The following CDK11B variants were observed in gnomAD, a reference collection of about 807,000 sequenced individuals.
CDK11B encodes the protein cyclin-dependent kinase 11B.
In CDK11B, 37 loss-of-function variants were observed where a neutral mutation model predicts 84.0. The ratio of observed to expected loss-of-function variants is 0.44; its 90% CI spans 0.34 to 0.58. The LOEUF (loss-of-function observed/expected upper bound fraction) is 0.58, where lower values mean the gene tolerates loss of function less well. CDK11B is among the 20% of genes least tolerant of loss of function. The pLI is 0.02. For synonymous variants in CDK11B, 269 were observed against 309.8 expected, an observed-to-expected ratio of 0.87 and a Z score of 1.38; for missense variants, 427 against 834.0, an observed-to-expected ratio of 0.51 and a Z score of 6.01.
Position 1,637,266 on chromosome 1 carries a change from C to G in CDK11B, c.1571-64G>C, listed in dbSNP as rs900445264. The G allele has an allele frequency of 2.5e-6, 4 of 1,593,406 alleles. No individual in the cohort carries two copies. The Admixed American group carries it at 7.1e-5, about 28-fold the overall frequency. ...CCCAGCCCAGGGCACTCAGGGTGGC[C>G]CACTCGCCTCGGCAGCAACAGAGGC... On this transcript the variant is annotated intron_variant, in intron 14 of 19. Coordinates refer to ENST00000341832, the MANE Select transcript of CDK11B (RefSeq NM_033486.3).
chr1:1,637,379 G>C (rs61774910), intron 14 of CDK11B, 29 bp downstream of exon 14: 3 of 1,607,276 alleles, frequency 1.9e-6, no homozygotes, highest in Non-Finnish European at 2.5e-6. Context: ...CCACTTGTAC[G>C]CAGACAGGCC....
intron 4 of CDK11B, among the ~76,000 whole-genome samples, chr1:1,650,653 CCG>C (rs1458437735): frequency 1.4e-5 from 2 of 142,290 alleles, no homozygotes; most frequent in Admixed American, 1.4e-4. Flanking sequence ...TTGTGAGCCA[CCG>C]CGCCCGGCCT....
chr1:1,649,925 G>A (rs1236046073), intron 4 of CDK11B, among the ~76,000 whole-genome samples: 2 of 144,190 alleles, frequency 1.4e-5, no homozygotes, highest in Admixed American at 7.2e-5. Flanking sequence ...GCAGTGAGCC[G>A]AGATCACGCC....
chr1:1,637,329 C>A (rs1639506496), intron 14 of CDK11B, 79 bp downstream of exon 14: 1 of 1,572,122 alleles, frequency 6.4e-7, no homozygotes. Flanking sequence ...CTGGCCCTCC[C>A]TGCAGCACTG....
chr1:1,656,498 C>G lies in CDK11B; in HGVS notation c.111+877G>C, dbSNP rs560676882. On this transcript the variant is annotated intron_variant, in intron 2 of 19. Coordinates refer to ENST00000341832, the MANE Select transcript of CDK11B (RefSeq NM_033486.3). ...GGAGCAAGACTGTCTCAAAAACAAA[C>G]AAAAAAGGCCGGGCGCGGAGGCTCA... Among the ~76,000 whole-genome samples, 5 of 151,586 alleles carry G rather than the reference C, an allele frequency of 3.3e-5. No homozygotes were observed. In the South Asian group the frequency reaches 1.0e-3, roughly 32 times the overall value.
chr1:1,639,706 C>T (rs1457364837), intron 11 of CDK11B, among the ~76,000 whole-genome samples: 3 of 151,980 alleles, frequency 2.0e-5, no homozygotes, highest in Non-Finnish European at 4.4e-5. Context: ...CCTCTCCGCC[C>T]ACAGGCACCA....
rs745412117 is a variant in CDK11B at position 1,636,679 on chromosome 1, C to A, written c.1917+3G>T. On this transcript the variant is annotated splice_donor_region_variant and intron_variant, in intron 17 of 19. Coordinates refer to ENST00000341832, the MANE Select transcript of CDK11B (RefSeq NM_033486.3). ...AGCGCACCTGCAGCAGGGCCAGACC[C>A]ACCTTGAACACCTTGTTGATCTGAT... 18 of 1,613,836 alleles carry A rather than the reference C, an allele frequency of 1.1e-5. No individual in the cohort carries two copies. The African/African-American group carries it at 2.1e-4, about 19-fold the overall frequency.
At chr1:1,639,187 C>A (rs911525098) in intron 11 of CDK11B, among the ~76,000 whole-genome samples, 1 of 151,698 alleles carries the variant, frequency 6.6e-6, no homozygotes, top group African/African-American at 2.4e-5. Context: ...ATCCGCCCAC[C>A]GCCTCGGCCT....
intron 3 of CDK11B, among the ~76,000 whole-genome samples, chr1:1,653,515 T>G (rs1203949003): frequency 6.6e-6 from 1 of 151,760 alleles, no homozygotes; most frequent in East Asian, 2.0e-4. Flanking sequence ...GAGACGGGCT[T>G]TCACCATGTT....
intron 16 of CDK11B, 31 bp downstream of exon 16, chr1:1,636,866 C>T (rs1557656207): frequency 6.2e-7 from 1 of 1,610,940 alleles, no homozygotes; most frequent in Non-Finnish European, 8.5e-7. Flanking sequence ...GCGTGGGGGA[C>T]AGGGGAGGCA....
chr1:1,636,108 G>C lies in CDK11B; in HGVS notation c.2085C>G (p.Pro695=), dbSNP rs779057223. Residue 695 remains proline, a synonymous_variant, in exon 19 of 20, where the codon CCC becomes CCG. Transcript: ENST00000341832. ...CGTCCTCAGCGCTGATCCTCCTCCCGGGGAAGTAGGTCAGGAACCTGGGGG... is the reference window on the plus strand; with the variant it reads ...CGTCCTCAGCGCTGATCCTCCTCCCCGGGAAGTAGGTCAGGAACCTGGGGG... ...DLMNKFLTYF[P]GRRISAEDGL... is the part of the protein sequence containing the mutation. The C allele has an allele frequency of 1.9e-6, 1 of 522,778 alleles. No individual in the cohort carries two copies. The highest frequency in any genetic ancestry group is 4.0e-5 in the Admixed American group (1 of 24,960). The allele number at this position is 522,778 out of a possible 1,614,324, so 32.4% of individuals were successfully genotyped here.
At chr1:1,645,561 TAG>T (rs1557690241) in intron 5 of CDK11B, 1 of 366,122 alleles carries the variant, frequency 2.7e-6, no homozygotes, top group Admixed American at 3.7e-5. Context: ...GTATTTTTAG[TAG>T]AGACGAGGGT....
At chr1:1,638,006 G>A (rs989420708) in intron 12 of CDK11B, 123 bp from the exon 13 acceptor site, 45 of 1,495,328 alleles carry the variant, frequency 3.0e-5, no homozygotes, top group Non-Finnish European at 3.4e-5. Context: ...GGGGGGTCTC[G>A]TTCTAGGTGG....
Position 1,656,509 on chromosome 1 carries a change from G to T in CDK11B, c.111+866C>A, listed in dbSNP as rs112392696. ...GTCTCAAAAACAAACAAAAAAGGCCGGGCGCGGAGGCTCATGCCTGTTGTA... is the reference window on the plus strand; with the variant it reads ...GTCTCAAAAACAAACAAAAAAGGCCTGGCGCGGAGGCTCATGCCTGTTGTA... On this transcript the variant is annotated intron_variant, in intron 2 of 19. Coordinates refer to ENST00000341832, the MANE Select transcript of CDK11B (RefSeq NM_033486.3). Among the ~76,000 whole-genome samples the T allele has an allele frequency of 5.3e-3, 807 of 152,046 alleles. 5 individuals carry two copies. Among genetic ancestry groups the T allele is most frequent in the Non-Finnish European group, 8.9e-3 (603 of 67,952 alleles).
chr1:1,645,182 TTCTGCTCCC>T lies in CDK11B; in HGVS notation c.566_574del (p.Arg189_Lys192delinsGln). 1 of 830,908 alleles carries T rather than the reference TTCTGCTCCC, an allele frequency of 1.2e-6. No individual in the cohort carries two copies. Among genetic ancestry groups the T allele is most frequent in the South Asian group, 1.4e-5 (1 of 71,424 alleles). 51.5% of individuals were successfully genotyped at this position (830,908 alleles called of 1,614,324 possible). On this transcript the variant is annotated inframe_deletion, in exon 6 of 20. Coordinates refer to ENST00000341832, the MANE Select transcript of CDK11B (RefSeq NM_033486.3). Reference sequence around the variant, plus strand: ...CTCCTCTGCCCGCCGCTCGCGCTCCTTCTGCTCCCGCTGCTCCTTCTGCTGCTCCCGCAT... The same window carrying T: ...CTCCTCTGCCCGCCGCTCGCGCTCCTGCTGCTCCTTCTGCTGCTCCCGCAT...
intron 5 of CDK11B, among the ~76,000 whole-genome samples, chr1:1,648,664 C>T (rs1010224236): frequency 5.9e-5 from 9 of 152,180 alleles, no homozygotes; most frequent in African/African-American, 2.2e-4. Context: ...CACCGATGTT[C>T]TTTCTTGGGA....
intron 5 of CDK11B, among the ~76,000 whole-genome samples, chr1:1,647,377 C>G (rs1217150517): frequency 6.6e-6 from 1 of 152,300 alleles, no homozygotes; most frequent in African/African-American, 2.4e-5. Flanking sequence ...CGAGGCCTGT[C>G]TGGTTGTCCG....
chr1:1,658,985 G>T lies in CDK11B; in HGVS notation c.-85C>A, dbSNP rs1020877410. On this transcript the variant is annotated 5_prime_UTR_variant, in exon 1 of 20. Coordinates refer to ENST00000341832, the MANE Select transcript of CDK11B (RefSeq NM_033486.3). ...CCAGAGAAGAAACAGCAACCGGCGCGCGCCAAAAGTATCGTCACTTCCTGT... is the reference window on the plus strand; with the variant it reads ...CCAGAGAAGAAACAGCAACCGGCGCTCGCCAAAAGTATCGTCACTTCCTGT... 1.5e-5 allele frequency: 3 copies of T among 196,574 alleles called. No individual in the cohort carries two copies. The highest frequency in any genetic ancestry group is 3.1e-5 in the Non-Finnish European group (3 of 96,170). The allele number at this position is 196,574 out of a possible 1,614,324, so 12.2% of individuals were successfully genotyped here.
rs748468119 is a variant in CDK11B at position 1,636,711 on chromosome 1, C to T, written c.1888G>A (p.Glu630Lys). 1.2e-6 allele frequency: 2 copies of T among 1,614,002 alleles called. No homozygotes were observed. The highest frequency in any genetic ancestry group is 2.2e-5 in the South Asian group (2 of 91,088). ...TQKPLFPGKSEIDQINKVFKD... is the reference protein window; with the variant it reads ...TQKPLFPGKSKIDQINKVFKD... ...AACACCTTGTTGATCTGATCGATTT[C>T]TGACTTCCCGGGGAACAGAGGCTTC... Residue 630 changes from glutamate (E) to lysine (K), a missense_variant, in exon 17 of 20, where the codon GAA (glutamate) becomes AAA (lysine). Physicochemically the swap from Glu to Lys is moderately conservative, Grantham distance 56. Coordinates refer to ENST00000341832, the MANE Select transcript of CDK11B (RefSeq NM_033486.3).
Sources: gnomAD v4.1 joint callset for allele counts (sites outside exome capture counted in the v4.1 genomes callset) on GRCh38, gnomAD v4.1.1 for gene constraint, MANE v1.5 for transcripts, NCBI Gene and HGNC (gene_info 2026-07-23, HGNC 2026-07-21) for gene names.